AGBL4: variants seen among roughly 807,000 people sequenced by gnomAD.
AGBL4 encodes AGBL carboxypeptidase 4, also known as cytosolic carboxypeptidase 6.
AGBL4 carries 58 observed loss-of-function variants against 66.4 expected under a neutral mutation model. That is an observed-to-expected ratio of 0.87 (90% CI 0.71 to 1.09). The LOEUF (loss-of-function observed/expected upper bound fraction) is 1.09, where lower values mean the gene tolerates loss of function less well. Among genes scored for constraint, AGBL4 ranks in the 50% least tolerant of loss-of-function variants. The pLI, the probability that AGBL4 is intolerant of heterozygous loss-of-function variation, is 0.00. For synonymous variants in AGBL4, 234 were observed against 222.9 expected, an observed-to-expected ratio of 1.05 and a Z score of -0.44; for missense variants, 579 against 631.0, an observed-to-expected ratio of 0.92 and a Z score of 0.88.
intron 1 of AGBL4, among the ~76,000 whole-genome samples, chr1:50,011,869 A>C (rs781036394): frequency 3.9e-5 from 6 of 152,206 alleles, no homozygotes; most frequent in Admixed American, 6.5e-5. Context: ...GAGTAGAAGA[A>C]TGTTTACCGG....
At position 49,173,706 on chromosome 1, in the gene AGBL4, T is replaced by C. The variant is rs139513149; in HGVS notation, c.377+72064A>G. Among the ~76,000 whole-genome samples, 135 of 152,328 alleles carry C rather than the reference T, an allele frequency of 8.9e-4. 1 individual carries two copies. The Middle Eastern group carries it at 0.01, about 12-fold the overall frequency. ...TGATTGAGGGTTGGGGTTACAATTTTAAATTGTGTGGTCAGGAAAGGTGAC... is the reference window on the plus strand; with the variant it reads ...TGATTGAGGGTTGGGGTTACAATTTCAAATTGTGTGGTCAGGAAAGGTGAC... On this transcript the variant is annotated intron_variant, in intron 4 of 13. Transcript: ENST00000371839.
At chr1:49,915,272 G>A (rs976059905) in intron 1 of AGBL4, among the ~76,000 whole-genome samples, 26 of 152,066 alleles carry the variant, frequency 1.7e-4, no homozygotes, top group Admixed American at 7.9e-4. Context: ...AGTGACAGCC[G>A]AAGCAGGGTG....
At chr1:49,490,638 G>A (rs1273860678) in intron 3 of AGBL4, among the ~76,000 whole-genome samples, 1 of 151,584 alleles carries the variant, frequency 6.6e-6, no homozygotes, top group Non-Finnish European at 1.5e-5. Flanking sequence ...GTATATCTTG[G>A]AGTTATTCAC....
intron 3 of AGBL4, among the ~76,000 whole-genome samples, chr1:49,617,741 G>T (rs193127845): frequency 3.3e-5 from 5 of 152,226 alleles, no homozygotes; most frequent in African/African-American, 1.2e-4. Flanking sequence ...GTAGCTACAG[G>T]TACAGATAAA....
Position 49,908,356 on chromosome 1 carries a change from CCTT to C in AGBL4, c.35-56841_35-56839del, listed in dbSNP as rs369515464. Among the ~76,000 whole-genome samples, 208 of 152,216 alleles carry C rather than the reference CCTT, an allele frequency of 1.4e-3. 1 individual carries two copies. The highest frequency in any genetic ancestry group is 4.7e-3 in the African/African-American group (195 of 41,544). On this transcript the variant is annotated intron_variant, in intron 1 of 13. Transcript: ENST00000371839. ...AAGATTTCTCGTGAAAAGTTTATCA[CCTT>C]CTTCTTGGTGCTGTCTTCACAATAG...
At chr1:49,426,324 T>C (rs888299277) in intron 3 of AGBL4, among the ~76,000 whole-genome samples, 1 of 152,120 alleles carries the variant, frequency 6.6e-6, no homozygotes, top group African/African-American at 2.4e-5. Flanking sequence ...GCATGCGGAA[T>C]AAAAAGTGAA....
chr1:49,451,483 G>A (rs1557952778), intron 3 of AGBL4, among the ~76,000 whole-genome samples: 1 of 151,918 alleles, frequency 6.6e-6, no homozygotes, highest in African/African-American at 2.4e-5. Context: ...GGGAGAGGAG[G>A]GAGAGTCTTT....
intron 4 of AGBL4, among the ~76,000 whole-genome samples, chr1:49,061,839 A>C (rs1330172388): frequency 1.3e-5 from 2 of 152,112 alleles, no homozygotes; most frequent in Non-Finnish European, 2.9e-5. Context: ...AGCCCCAGAT[A>C]TATCTAGGAT....
At chr1:49,699,283 C>T (rs1647043682) in intron 2 of AGBL4, among the ~76,000 whole-genome samples, 1 of 151,984 alleles carries the variant, frequency 6.6e-6, no homozygotes, top group Non-Finnish European at 1.5e-5. Flanking sequence ...ACTCTGTTGA[C>T]CTTCTTCATC....
chr1:49,207,400 T>C (rs1344639341), intron 4 of AGBL4, among the ~76,000 whole-genome samples: 2 of 152,124 alleles, frequency 1.3e-5, no homozygotes, highest in East Asian at 1.9e-4. Context: ...CACAGCTCTG[T>C]AGACATACAT....
chr1:48,539,184 T>C (rs556661210), intron 12 of AGBL4, among the ~76,000 whole-genome samples: 70 of 152,322 alleles, frequency 4.6e-4, no homozygotes, highest in African/African-American at 1.7e-3. Flanking sequence ...GAGACTATCA[T>C]GTACTGACAG....
chr1:48,601,735 C>G (rs1569958690), intron 9 of AGBL4, among the ~76,000 whole-genome samples: 1 of 152,158 alleles, frequency 6.6e-6, no homozygotes, highest in South Asian at 2.1e-4. Flanking sequence ...CCTGGCTTAT[C>G]AAGATCTCAC....
At chr1:48,877,468 G>A (rs1649337276) in intron 5 of AGBL4, among the ~76,000 whole-genome samples, 1 of 151,990 alleles carries the variant, frequency 6.6e-6, no homozygotes, top group African/African-American at 2.4e-5. Flanking sequence ...AGACTATCAG[G>A]AAATCTCTCT....
chr1:49,163,468 G>A (rs1353115462), intron 4 of AGBL4, among the ~76,000 whole-genome samples: 1 of 152,092 alleles, frequency 6.6e-6, no homozygotes, highest in Admixed American at 6.6e-5. Context: ...ATAGGATTCT[G>A]TACATGCCTA....
At chr1:49,439,117 G>C (rs1386367026) in intron 3 of AGBL4, among the ~76,000 whole-genome samples, 1 of 152,234 alleles carries the variant, frequency 6.6e-6, no homozygotes, top group Admixed American at 6.5e-5. Context: ...TGATGAGCAT[G>C]CTGGAAGACT....
At chr1:49,737,683 A>G (rs1650011730) in intron 2 of AGBL4, among the ~76,000 whole-genome samples, 1 of 152,200 alleles carries the variant, frequency 6.6e-6, no homozygotes, top group Admixed American at 6.5e-5. Flanking sequence ...TATAAAATAA[A>G]AGTTGATATT....
chr1:49,647,273 G>T (rs551424983), intron 3 of AGBL4, among the ~76,000 whole-genome samples: 27 of 152,014 alleles, frequency 1.8e-4, no homozygotes, highest in African/African-American at 6.5e-4. Flanking sequence ...ATTCTAACAA[G>T]TAAAAAGCTA....
At chr1:48,548,010 T>C (rs2148277139) in intron 11 of AGBL4, among the ~76,000 whole-genome samples, 1 of 152,300 alleles carries the variant, frequency 6.6e-6, no homozygotes, top group South Asian at 2.1e-4. Flanking sequence ...CTGCATTCTT[T>C]CACTCACAAA....
chr1:49,306,873 T>C (rs1644856990), intron 3 of AGBL4, among the ~76,000 whole-genome samples: 1 of 152,208 alleles, frequency 6.6e-6, no homozygotes, highest in Admixed American at 6.5e-5. Flanking sequence ...TGAATCACTA[T>C]GGCAATTTTT....
Sources: gnomAD v4.1 joint callset for allele counts (sites outside exome capture counted in the v4.1 genomes callset) on GRCh38, gnomAD v4.1.1 for gene constraint, MANE v1.5 for transcripts, NCBI Gene and HGNC (gene_info 2026-07-23, HGNC 2026-07-21) for gene names.